BTBD9: variants seen among roughly 807,000 people sequenced by gnomAD.
BTBD9 encodes the protein BTB domain containing 9.
In BTBD9, 49 loss-of-function variants were observed where a neutral mutation model predicts 64.3. The ratio of observed to expected loss-of-function variants is 0.76; its 90% confidence interval spans 0.61 to 0.97. The LOEUF is 0.97. Ranked by LOEUF, BTBD9 falls within the 50% of genes least tolerant of loss-of-function variation. The pLI is 0.00. For missense variants in BTBD9, 598 were observed against 762.1 expected (o/e 0.78, Z 2.53); for synonymous variants, 260 against 274.7 (o/e 0.95, Z 0.53).
At chr6:38,294,830 CAA>C (rs35937473) in intron 7 of BTBD9, among the ~76,000 whole-genome samples, 4 of 132,368 alleles carry the variant, frequency 3.0e-5, no homozygotes, top group Admixed American at 7.6e-5. Context: ...AATTTTGTGC[CAA>C]AAAAAAAAAA....
At chr6:38,187,348 G>A (rs975748745) in intron 10 of BTBD9, among the ~76,000 whole-genome samples, 5 of 152,176 alleles carry the variant, frequency 3.3e-5, no homozygotes, top group African/African-American at 4.8e-5. Context: ...GCTGGCAGCC[G>A]AGACCACCTT....
At chr6:38,481,713 G>A (rs1771154695) in intron 6 of BTBD9, 2 of 152,290 alleles carry the variant, frequency 1.3e-5, no homozygotes, top group South Asian at 4.1e-4. Flanking sequence ...AAAGGCAAGA[G>A]AGTGAAAAGT....
At chr6:38,215,332 TA>T (rs1762976849) in intron 9 of BTBD9, among the ~76,000 whole-genome samples, 1 of 152,146 alleles carries the variant, frequency 6.6e-6, no homozygotes, top group Non-Finnish European at 1.5e-5. Flanking sequence ...GATCTGAACA[TA>T]AAAAGCCCTT....
In BTBD9 at chr6:38,334,999, T is replaced by C. The variant is rs1198911926; in HGVS notation, c.1264+9985A>G. Among the ~76,000 whole-genome samples the C allele has an allele frequency of 1.3e-5, 2 of 152,094 alleles. 1 individual carries two copies. Among genetic ancestry groups the C allele is most frequent in the African/African-American group, 4.8e-5 (2 of 41,410 alleles). The stretch of plus-strand genomic sequence containing the variant: ...AGGTGACTGGATCATGAGGGTGGAA[T>C]TTCCCCATGCTGTTCTCATTATAGT... On this transcript the variant is annotated intron_variant, in intron 7 of 10. Coordinates refer to ENST00000481247, the MANE Select transcript of BTBD9 (RefSeq NM_001099272.2).
chr6:38,488,217 G>A (rs1401909147), intron 6 of BTBD9, among the ~76,000 whole-genome samples: 1 of 151,994 alleles, frequency 6.6e-6, no homozygotes, highest in East Asian at 1.9e-4. Flanking sequence ...CCCCAAAAGT[G>A]TAAGCCACCA....
intron 7 of BTBD9, among the ~76,000 whole-genome samples, chr6:38,296,861 C>T (rs1189742785): frequency 6.6e-6 from 1 of 152,054 alleles, no homozygotes; most frequent in East Asian, 1.9e-4. Context: ...GGAAAAAAAA[C>T]TGTGGTGTGT....
chr6:38,493,910 G>T lies in BTBD9; in HGVS notation c.1154+83690C>A, dbSNP rs147043897. 2.0e-3 allele frequency among the ~76,000 whole-genome samples: 306 copies of T among 152,258 alleles called. 1 individual carries two copies. The highest frequency in any genetic ancestry group is 7.1e-3 in the African/African-American group (294 of 41,552). On this transcript the variant is annotated intron_variant, in intron 6 of 10. Transcript: ENST00000481247. ...TATTATTTTCATCTAGTTAAATAAA[G>T]GATTACACACATTTGAGTAAATTAC...
At chr6:38,409,589 C>A (rs554006444) in intron 6 of BTBD9, among the ~76,000 whole-genome samples, 9 of 152,140 alleles carry the variant, frequency 5.9e-5, no homozygotes, top group Admixed American at 6.6e-5. Context: ...CTTTGGGAGG[C>A]CGAGGTGGGC....
At chr6:38,365,117 A>T (rs1239683872) in intron 6 of BTBD9, among the ~76,000 whole-genome samples, 2 of 152,048 alleles carry the variant, frequency 1.3e-5, no homozygotes, top group African/African-American at 4.8e-5. Flanking sequence ...GACAAGTTTT[A>T]AAAAAGTAAT....
At chr6:38,495,477 C>A (rs1288116597) in intron 6 of BTBD9, among the ~76,000 whole-genome samples, 1 of 152,196 alleles carries the variant, frequency 6.6e-6, no homozygotes, top group African/African-American at 2.4e-5. Flanking sequence ...AAAATTTCAT[C>A]TATGAAAAAC....
chr6:38,206,433 G>T (rs1225665259), intron 9 of BTBD9, among the ~76,000 whole-genome samples: 1 of 151,912 alleles, frequency 6.6e-6, no homozygotes, highest in South Asian at 2.1e-4. Context: ...TAGAGATGGG[G>T]TTTCACCATC....
At chr6:38,264,408 GGA>G (rs1356963461) in intron 8 of BTBD9, among the ~76,000 whole-genome samples, 1 of 152,178 alleles carries the variant, frequency 6.6e-6, no homozygotes, top group African/African-American at 2.4e-5. Flanking sequence ...TAAAGGTGAG[GGA>G]GAGAGGTAAG....
intron 9 of BTBD9, among the ~76,000 whole-genome samples, chr6:38,230,729 A>C (rs115397524): frequency 2.8e-4 from 42 of 152,208 alleles, no homozygotes; most frequent in African/African-American, 9.2e-4. Context: ...ATACCATGTT[A>C]ATTCCCTCTT....
intron 6 of BTBD9, among the ~76,000 whole-genome samples, chr6:38,560,575 TA>T (rs1343643746): frequency 1.3e-5 from 2 of 152,300 alleles, no homozygotes; most frequent in African/African-American, 4.8e-5. Flanking sequence ...TTTTGAAATT[TA>T]TTTTTTTTAA....
chr6:38,414,095 T>C (rs1290865501), intron 6 of BTBD9, among the ~76,000 whole-genome samples: 1 of 152,184 alleles, frequency 6.6e-6, no homozygotes, highest in Non-Finnish European at 1.5e-5. Context: ...GAAGTTTAGG[T>C]GTTACATTTA....
chr6:38,391,946 C>G (rs1471975597), intron 6 of BTBD9, among the ~76,000 whole-genome samples: 1 of 152,216 alleles, frequency 6.6e-6, no homozygotes, highest in Non-Finnish European at 1.5e-5. Flanking sequence ...GGCCACACAA[C>G]TCAAGATTTG....
chr6:38,232,195 C>T (rs527465259), intron 9 of BTBD9, among the ~76,000 whole-genome samples: 13 of 152,168 alleles, frequency 8.5e-5, no homozygotes, highest in African/African-American at 3.1e-4. Flanking sequence ...ACAGAGCTGC[C>T]CTGCTCCCTG....
At chr6:38,484,832 C>T (rs1054427110) in intron 6 of BTBD9, among the ~76,000 whole-genome samples, 15 of 152,192 alleles carry the variant, frequency 9.9e-5, no homozygotes, top group East Asian at 1.9e-4. Flanking sequence ...TGGAGGATCA[C>T]GCCTCAATGT....
intron 8 of BTBD9, among the ~76,000 whole-genome samples, chr6:38,263,936 T>C (rs1217137739): frequency 1.3e-5 from 2 of 152,192 alleles, no homozygotes; most frequent in East Asian, 1.9e-4. Flanking sequence ...GTAGATGTTA[T>C]GGCAGTGAGG....
Sources: allele counts gnomAD v4.1 joint callset (sites outside exome capture counted in the v4.1 genomes callset), GRCh38; gene constraint gnomAD v4.1.1; transcripts MANE v1.5; gene names NCBI Gene and HGNC (gene_info 2026-07-23, HGNC 2026-07-21).